ITPR1: variants seen among roughly 807,000 people sequenced by gnomAD.
ITPR1 encodes inositol 1,4,5-trisphosphate receptor type 1, also known as inositol 1,4,5-trisphosphate-gated calcium channel ITPR1.
Under a neutral mutation model 318.4 loss-of-function variants are expected in ITPR1, and 96 were observed. The ratio of observed to expected loss-of-function variants is 0.30; its 90% CI spans 0.26 to 0.36. ITPR1 has a LOEUF of 0.36. Ranked by LOEUF, ITPR1 falls within the 10% of genes least tolerant of loss-of-function variation. The probability of loss-of-function intolerance (pLI) is 1.00; values close to 1 mark genes in which losing one functional copy is unlikely to be tolerated. For missense variants in ITPR1, 2,440 were observed against 3,460.2 expected (o/e 0.71, Z 7.40); for synonymous variants, 1,312 against 1,289.9 (o/e 1.02, Z -0.37).
In ITPR1 at chr3:4,563,837, C is replaced by T. The variant is rs150829476; in HGVS notation, c.163+42743C>T. Among the ~76,000 whole-genome samples the T allele has an allele frequency of 7.2e-3, 1,098 of 152,216 alleles. 16 individuals carry two copies. The highest frequency in any genetic ancestry group is 0.025 in the African/African-American group (1,055 of 41,518). ...ACTAATCCTATATAGAGGTTTTATTCGTTTGCTAGGGTTGCTGCAACAAAG... is the reference window on the plus strand; with the variant it reads ...ACTAATCCTATATAGAGGTTTTATTTGTTTGCTAGGGTTGCTGCAACAAAG... On this transcript the variant is annotated intron_variant, in intron 4 of 61. Transcript: ENST00000649015.
Position 4,730,231 on chromosome 3 carries a change from CA to C in ITPR1, c.5221-2848del, listed in dbSNP as rs913420101. 8.0e-5 allele frequency among the ~76,000 whole-genome samples: 9 copies of C among 112,964 alleles called. 1 individual carries two copies. The highest frequency in any genetic ancestry group is 2.4e-4 in the African/African-American group (7 of 29,072). 74.1% of individuals were successfully genotyped at this position (112,964 alleles called of 152,430 possible). A position where few individuals can be genotyped will look rare whatever the true frequency, so the allele number is the denominator to read the frequency against. On this transcript the variant is annotated intron_variant, in intron 42 of 61. Transcript: ENST00000649015. ...ATCTCATCTTTAAAAAAAAAAAAAA[CA>C]AAAAAAAACCTTGCTCTCTGGTTTT...
At chr3:4,686,383 T>C (rs1362307799) in intron 30 of ITPR1, among the ~76,000 whole-genome samples, 1 of 152,230 alleles carries the variant, frequency 6.6e-6, no homozygotes, top group East Asian at 1.9e-4. Flanking sequence ...CTAGCTAACT[T>C]GTAGTTGATA....
intron 12 of ITPR1, among the ~76,000 whole-genome samples, chr3:4,657,386 G>GTTTT (rs112693174): frequency 0.041 from 5,453 of 132,056 alleles, 307 homozygotes; most frequent in African/African-American, 0.11. Context: ...TGTACCTAGA[G>GTTTT]TTTTTTTTTT....
At chr3:4,797,101 G>A (rs139070927) in intron 53 of ITPR1, among the ~76,000 whole-genome samples, 1 of 152,092 alleles carries the variant, frequency 6.6e-6, no homozygotes, top group East Asian at 1.9e-4. Flanking sequence ...ACTTCATGCT[G>A]AGGGACTAAA....
At chr3:4,596,484 C>T (rs1167991133) in intron 4 of ITPR1, among the ~76,000 whole-genome samples, 4 of 152,254 alleles carry the variant, frequency 2.6e-5, no homozygotes, top group South Asian at 4.1e-4. Context: ...AAAGCTAGCA[C>T]GGTTGGAACA....
intron 44 of ITPR1, among the ~76,000 whole-genome samples, chr3:4,748,143 T>C (rs1283311866): frequency 1.3e-5 from 2 of 152,230 alleles, no homozygotes; most frequent in Non-Finnish European, 2.9e-5. Flanking sequence ...AAAAAAGCCA[T>C]GTGTCTTACC....
At chr3:4,719,834 G>T (rs151068002) in intron 40 of ITPR1, among the ~76,000 whole-genome samples, 6 of 152,106 alleles carry the variant, frequency 3.9e-5, no homozygotes, top group Non-Finnish European at 7.3e-5. Flanking sequence ...AAGAGGAGGG[G>T]TTGTTTGTTT....
rs1373625575 is a variant in ITPR1, at chr3:4,725,159, A to C, written c.5137-387A>C. On this transcript the variant is annotated intron_variant, in intron 40 of 61. Coordinates refer to ENST00000649015, the MANE Select transcript of ITPR1 (RefSeq NM_001378452.1). ...TTTCATCACTACCCCTGCTCCCCTG[A>C]GAGCCTCCGTGGACACGCATACTAT... 2.6e-5 allele frequency among the ~76,000 whole-genome samples: 4 copies of C among 151,384 alleles called. No homozygotes were observed. In the East Asian group the frequency reaches 7.8e-4, roughly 30 times the overall value.
At chr3:4,558,461 T>C (rs751078377) in intron 4 of ITPR1, among the ~76,000 whole-genome samples, 1 of 151,982 alleles carries the variant, frequency 6.6e-6, no homozygotes, top group African/African-American at 2.4e-5. Context: ...CTCAATGATA[T>C]GAAAGTAAAA....
At chr3:4,664,939 T>C (rs2093914547) in intron 16 of ITPR1, among the ~76,000 whole-genome samples, 199 bp from the exon 17 acceptor site, 1 of 152,200 alleles carries the variant, frequency 6.6e-6, no homozygotes, top group African/African-American at 2.4e-5. Flanking sequence ...TGAGGACCAG[T>C]GGAGTCCAGT....
At chr3:4,736,121 C>A (rs1259853856) in intron 44 of ITPR1, among the ~76,000 whole-genome samples, 3 of 147,136 alleles carry the variant, frequency 2.0e-5, no homozygotes, top group Admixed American at 6.9e-5. Flanking sequence ...ACTCTTCCTT[C>A]TTTGTTAGCT....
intron 15 of ITPR1, among the ~76,000 whole-genome samples, 160 bp from the exon 16 acceptor site, chr3:4,662,905 C>T (rs940163031): frequency 6.6e-6 from 1 of 152,102 alleles, no homozygotes; most frequent in African/African-American, 2.4e-5. Flanking sequence ...GTCTTTCACT[C>T]TCTTTGATAC....
chr3:4,709,095 G>T (rs1166523549), intron 37 of ITPR1, among the ~76,000 whole-genome samples: 1 of 152,190 alleles, frequency 6.6e-6, no homozygotes, highest in Non-Finnish European at 1.5e-5. Flanking sequence ...CCAGAGTCAG[G>T]ATCAATAACT....
At chr3:4,574,154 A>G (rs140419283) in intron 4 of ITPR1, among the ~76,000 whole-genome samples, 2 of 151,278 alleles carry the variant, frequency 1.3e-5, no homozygotes, top group African/African-American at 4.9e-5. Flanking sequence ...TTTATGGGCT[A>G]TTATTGTTCA....
intron 57 of ITPR1, 122 bp downstream of exon 57, chr3:4,813,356 A>G: frequency 1.6e-6 from 1 of 640,808 alleles, no homozygotes; most frequent in Non-Finnish European, 2.7e-6. Context: ...AGCAAAGGGG[A>G]AAGGCTGAGA....
chr3:4,788,390 G>C (rs1326821059), intron 52 of ITPR1, among the ~76,000 whole-genome samples: 1 of 152,168 alleles, frequency 6.6e-6, no homozygotes, highest in Non-Finnish European at 1.5e-5. Flanking sequence ...AAGCTCCATG[G>C]AAGACTTTTT....
chr3:4,834,989 A>T (rs2050792664), intron 60 of ITPR1, among the ~76,000 whole-genome samples: 1 of 152,142 alleles, frequency 6.6e-6, no homozygotes, highest in East Asian at 1.9e-4. Flanking sequence ...CATGCAGAAG[A>T]AGAGTTGCAT....
chr3:4,635,022 C>T (rs1376197642), intron 5 of ITPR1, among the ~76,000 whole-genome samples: 3 of 152,208 alleles, frequency 2.0e-5, no homozygotes, highest in African/African-American at 7.2e-5. Flanking sequence ...GGATTACAGG[C>T]GTGAGCCACC....
intron 4 of ITPR1, among the ~76,000 whole-genome samples, chr3:4,613,514 G>A (rs2092253177): frequency 6.6e-6 from 1 of 152,112 alleles, no homozygotes; most frequent in Non-Finnish European, 1.5e-5. Flanking sequence ...CTTGGGCCAG[G>A]GAATGCTCAT....
Sources: allele counts gnomAD v4.1 joint callset (sites outside exome capture counted in the v4.1 genomes callset), GRCh38; gene constraint gnomAD v4.1.1; transcripts MANE v1.5; gene names NCBI Gene and HGNC (gene_info 2026-07-23, HGNC 2026-07-21).